Variants in SUN1 observed in about 807,000 individuals in gnomAD.
SUN1 encodes SUN domain-containing protein 1.
SUN1 carries 61 observed loss-of-function variants against 103.2 expected under a neutral mutation model. The ratio of observed to expected loss-of-function variants is 0.59; its 90% confidence interval spans 0.48 to 0.73. The LOEUF is 0.73. SUN1 is among the 30% of genes least tolerant of loss of function. The pLI, the probability that SUN1 is intolerant of heterozygous loss-of-function variation, is 0.00. For synonymous variants in SUN1, 490 were observed against 425.7 expected (o/e 1.15, Z -1.86); for missense variants, 1,052 against 1,034.6 (o/e 1.02, Z -0.23).
upstream of SUN1, chr7:832,150 G>T (rs1316587212): frequency 2.1e-6 from 2 of 932,808 alleles, no homozygotes; most frequent in Non-Finnish European, 2.6e-6. Context: ...AGAAGACCGA[G>T]AACATTTTGA....
intron 5 of SUN1, among the ~76,000 whole-genome samples, chr7:845,071 C>T (rs1361797301): frequency 3.3e-5 from 5 of 152,198 alleles, no homozygotes; most frequent in African/African-American, 4.8e-5. Context: ...TCTACTATGG[C>T]AGAATAAGGA....
At chr7:843,700 T>C (rs1401335464) in intron 5 of SUN1, 180 bp downstream of exon 5, 3 of 1,443,048 alleles carry the variant, frequency 2.1e-6, no homozygotes, top group Non-Finnish European at 2.7e-6. Context: ...TTACATTTTA[T>C]GTGGTTAGTA....
In SUN1 at chr7:855,019, G is replaced by C. The variant is rs368425106; in HGVS notation, c.1350+13G>C. ...AGAAAAATCTGAGGTATTTATTTTT[G>C]ACCTTACGCTTTTTTAAAATAAAAA... On this transcript the variant is annotated intron_variant, in intron 11 of 18. Coordinates refer to ENST00000401592, the MANE Select transcript of SUN1 (RefSeq NM_001130965.3). 2.5e-6 allele frequency: 4 copies of C among 1,593,608 alleles called. No homozygotes were observed. The highest frequency in any genetic ancestry group is 3.4e-6 in the Non-Finnish European group (4 of 1,165,022).
At chr7:866,399 G>C (rs116554670) in intron 16 of SUN1, among the ~76,000 whole-genome samples, 1 of 152,098 alleles carries the variant, frequency 6.6e-6, no homozygotes. Context: ...TGGGTCTTCC[G>C]TCACGAGAGT....
At chr7:866,133 G>A (rs559417664) in intron 16 of SUN1, 66 bp downstream of exon 16, 49 of 1,386,028 alleles carry the variant, frequency 3.5e-5, no homozygotes, top group East Asian at 3.5e-4. Flanking sequence ...TTCACGGGTC[G>A]TAGGTCCACA....
chr7:864,922 C>G (rs1835232666), intron 15 of SUN1, among the ~76,000 whole-genome samples: 1 of 151,974 alleles, frequency 6.6e-6, no homozygotes, highest in African/African-American at 2.4e-5. Context: ...AGCCACTGCA[C>G]TCTGCCTCAT....
At chr7:852,695 C>T (rs369817757) in intron 8 of SUN1, 28 bp downstream of exon 8, 112 of 1,614,072 alleles carry the variant, frequency 6.9e-5, no homozygotes, top group Middle Eastern at 1.6e-4. Flanking sequence ...GAGTTGCCTC[C>T]GATGGCTAAG....
chr7:852,548 CA>C lies in SUN1; in HGVS notation c.852-60del, dbSNP rs557726974. 1.6e-4 allele frequency: 253 copies of C among 1,602,816 alleles called. No homozygotes were observed. The African/African-American group carries it at 2.9e-3, about 18-fold the overall frequency. On this transcript the variant is annotated intron_variant, in intron 7 of 18. Coordinates refer to ENST00000401592, the MANE Select transcript of SUN1 (RefSeq NM_001130965.3). ...CACAAAATTATCTAGAGGGGGAAAA[CA>C]GATTGGTGAACCCTGACTTTCATTT...
At chr7:816,854 C>G (rs1780954816) in intron 1 of SUN1, 2 of 150,330 alleles carry the variant, frequency 1.3e-5, no homozygotes, top group African/African-American at 2.4e-5. Flanking sequence ...CGCCCCGCAG[C>G]TACCCCGGCC....
chr7:837,435 A>G (rs1411577233), intron 1 of SUN1, among the ~76,000 whole-genome samples: 2 of 151,998 alleles, frequency 1.3e-5, no homozygotes, highest in African/African-American at 2.4e-5. Flanking sequence ...TTTCAATTGG[A>G]GTCAATTTTT....
rs550101843 is a variant in SUN1, at chr7:874,200, C to T, written c.*869C>T. The T allele has an allele frequency of 7.2e-5, 11 of 152,546 alleles. No homozygotes were observed. Among genetic ancestry groups the T allele is most frequent in the Admixed American group, 3.9e-4 (6 of 15,304 alleles). The allele number at this position is 152,546 out of a possible 1,614,324, so 9.4% of individuals were successfully genotyped here. On this transcript the variant is annotated 3_prime_UTR_variant, in exon 19 of 19. Coordinates refer to ENST00000401592, the MANE Select transcript of SUN1 (RefSeq NM_001130965.3). ...TCTCACTGGTGGTGATAAGAGGAGC[C>T]GTCTGGTGTGTCAGGGTCACGAACC...
intron 1 of SUN1, among the ~76,000 whole-genome samples, chr7:820,669 A>T (rs545669978): frequency 6.6e-6 from 1 of 152,200 alleles, no homozygotes; most frequent in Non-Finnish European, 1.5e-5. Context: ...TGAATATGAC[A>T]TTCACTGAGT....
Position 873,553 on chromosome 7 carries a change from G to A in SUN1, c.*222G>A, listed in dbSNP as rs1222411492. 2.0e-6 allele frequency: 1 copy of A among 511,120 alleles called. No homozygotes were observed. The highest frequency in any genetic ancestry group is 3.5e-6 in the Non-Finnish European group (1 of 287,386). 31.7% of individuals were successfully genotyped at this position (511,120 alleles called of 1,614,324 possible). ...TGCAGAGGGGTCAGCAGCAGGAGAA[G>A]CGTGTTGAACACGTGGCTCTCAGAC... On this transcript the variant is annotated 3_prime_UTR_variant, in exon 19 of 19. Coordinates refer to ENST00000401592, the MANE Select transcript of SUN1 (RefSeq NM_001130965.3).
At chr7:832,722 A>G in intron 1 of SUN1, 121 bp downstream of exon 1, 1 of 764,206 alleles carries the variant, frequency 1.3e-6, no homozygotes, top group Non-Finnish European at 2.2e-6. Flanking sequence ...TGAAGGTGAA[A>G]AAAAATAATA....
intron 17 of SUN1, among the ~76,000 whole-genome samples, chr7:870,330 C>T (rs1192034586): frequency 6.6e-6 from 1 of 151,978 alleles, no homozygotes; most frequent in African/African-American, 2.4e-5. Context: ...TGGCTCATGC[C>T]TGTAATCCTA....
chr7:856,095 A>T (rs1827030979), intron 11 of SUN1, among the ~76,000 whole-genome samples: 1 of 152,206 alleles, frequency 6.6e-6, no homozygotes, highest in Non-Finnish European at 1.5e-5. Context: ...GCTGACTCCC[A>T]ACCCGGGTGC....
At chr7:856,442 G>A (rs577280376) in intron 12 of SUN1, 41 bp downstream of exon 12, 22 of 1,610,736 alleles carry the variant, frequency 1.4e-5, no homozygotes, top group African/African-American at 1.2e-4. Flanking sequence ...TCTTCGGTGT[G>A]TGTGTGTGGT....
At chr7:847,999 A>G (rs1468484653) in intron 5 of SUN1, among the ~76,000 whole-genome samples, 1 of 105,550 alleles carries the variant, frequency 9.5e-6, no homozygotes, top group Non-Finnish European at 2.0e-5. Flanking sequence ...TCCGCAGTCC[A>G]GTCTCCGGGA....
Position 843,493 on chromosome 7 carries a change from G to C in SUN1, c.631G>C (p.Val211Leu), listed in dbSNP as rs777389941. ...HPAAPGPVSR[V>L]YSRDRNQKCY... ...CGCGGCCCCCGGGCCCGTGTCGAGA[G>C]TTTATTCTAGGGACAGGAATCAAAA... Residue 211 changes from valine (V) to leucine (L), a missense_variant, in exon 5 of 19, where the codon GTT (valine) becomes CTT (leucine). Val to Leu is a conservative substitution (Grantham distance 32, BLOSUM62 1). Coordinates refer to ENST00000401592, the MANE Select transcript of SUN1 (RefSeq NM_001130965.3). 15 of 1,614,060 alleles carry C rather than the reference G, an allele frequency of 9.3e-6. No homozygotes were observed. Among genetic ancestry groups the C allele is most frequent in the Non-Finnish European group, 1.2e-5 (14 of 1,179,924 alleles).
Sources: allele counts gnomAD v4.1 joint callset (sites outside exome capture counted in the v4.1 genomes callset), GRCh38; gene constraint gnomAD v4.1.1; transcripts MANE v1.5; gene names NCBI Gene and HGNC (gene_info 2026-07-23, HGNC 2026-07-21).